RANBP17: variants seen among roughly 807,000 people sequenced by gnomAD.
The protein encoded by RANBP17 is RAN binding protein 17, also known as ran-binding protein 17.
Under a neutral mutation model 141.2 loss-of-function variants are expected in RANBP17, and 158 were observed. That is an observed-to-expected ratio of 1.12 (90% CI 0.98 to 1.28). The LOEUF (loss-of-function observed/expected upper bound fraction) is 1.28, where lower values mean the gene tolerates loss of function less well. RANBP17 is among the 50% of genes most tolerant of loss of function. The pLI is 0.00. For missense variants in RANBP17, 1,438 were observed against 1,290.7 expected (o/e 1.11, Z -1.75); for synonymous variants, 430 against 450.0 (o/e 0.96, Z 0.56).
chr5:171,204,744 GTTT>G (rs1008549437), intron 19 of RANBP17, among the ~76,000 whole-genome samples: 4 of 151,640 alleles, frequency 2.6e-5, no homozygotes, highest in African/African-American at 9.7e-5. Flanking sequence ...TCAAGTTTTT[GTTT>G]TTTTTCTCTA....
intron 14 of RANBP17, among the ~76,000 whole-genome samples, chr5:170,973,496 AG>A (rs1777138775): frequency 6.6e-6 from 1 of 152,236 alleles, no homozygotes; most frequent in South Asian, 2.1e-4. Context: ...AAAACACAAT[AG>A]ACAAAGTAAT....
chr5:170,888,669 T>C (rs1769356458), intron 3 of RANBP17, among the ~76,000 whole-genome samples: 2 of 152,218 alleles, frequency 1.3e-5, no homozygotes, highest in Admixed American at 1.3e-4. Flanking sequence ...TTAGTTCTTC[T>C]TTCTTAATCT....
intron 14 of RANBP17, among the ~76,000 whole-genome samples, chr5:171,162,257 C>G (rs1299622242): frequency 3.3e-5 from 5 of 152,142 alleles, no homozygotes; most frequent in African/African-American, 7.2e-5. Context: ...CCAACAGGAG[C>G]AAAGCTGTGT....
chr5:171,235,459 A>G (rs948397416), intron 22 of RANBP17, among the ~76,000 whole-genome samples: 3 of 152,146 alleles, frequency 2.0e-5, no homozygotes, highest in South Asian at 2.1e-4. Context: ...CTTTAAGCAC[A>G]TAAGAGAGAG....
chr5:170,946,489 T>G (rs1412389498), intron 12 of RANBP17, among the ~76,000 whole-genome samples: 1 of 152,126 alleles, frequency 6.6e-6, no homozygotes, highest in Non-Finnish European at 1.5e-5. Flanking sequence ...CTCTGTAAAA[T>G]TCTAAGAAAT....
Position 171,221,848 on chromosome 5 carries a change from TC to T in RANBP17, c.2422+10del. ...AAATGGTTTGCACTTATGGTGAGTG[TC>T]CTTTTCCATATGTGCCTCTGCAATA... On this transcript the variant is annotated intron_variant, in intron 22 of 27. Coordinates refer to ENST00000523189, the MANE Select transcript of RANBP17 (RefSeq NM_022897.5). 6.8e-7 allele frequency: 1 copy of T among 1,478,468 alleles called. No individual in the cohort carries two copies. The highest frequency in any genetic ancestry group is 9.4e-7 in the Non-Finnish European group (1 of 1,059,076). 91.6% of individuals were successfully genotyped at this position (1,478,468 alleles called of 1,614,324 possible). A position where few individuals can be genotyped will look rare whatever the true frequency, so the allele number is the denominator to read the frequency against.
At position 171,206,155 on chromosome 5, in the gene RANBP17, A is replaced by C. The variant is rs188280600; in HGVS notation, c.2231+543A>C. On this transcript the variant is annotated intron_variant, in intron 20 of 27. Coordinates refer to ENST00000523189, the MANE Select transcript of RANBP17 (RefSeq NM_022897.5). ...TAGTACAGACAGGAAAAAAAAAAAA[A>C]ACCCCCCACAGAAATGCCTTATCAT... The C allele has an allele frequency of 6.2e-3, 1,050 of 169,346 alleles. 11 individuals are homozygous for C. The highest frequency in any genetic ancestry group is 0.025 in the African/African-American group (1,011 of 40,518). 10.5% of individuals were successfully genotyped at this position (169,346 alleles called of 1,614,324 possible).
chr5:171,061,734 C>T (rs1783873702), intron 14 of RANBP17, among the ~76,000 whole-genome samples: 3 of 152,058 alleles, frequency 2.0e-5, no homozygotes, highest in Admixed American at 1.3e-4. Flanking sequence ...CTTTCTCTCT[C>T]ATTGATCTGT....
At chr5:171,283,398 C>T (rs1767967302) in intron 25 of RANBP17, among the ~76,000 whole-genome samples, 1 of 152,208 alleles carries the variant, frequency 6.6e-6, no homozygotes, top group African/African-American at 2.4e-5. Context: ...CCAACGCTTT[C>T]AGTCACTAGC....
chr5:171,198,694 T>C (rs962630203), intron 18 of RANBP17, among the ~76,000 whole-genome samples: 1 of 152,192 alleles, frequency 6.6e-6, no homozygotes, highest in Non-Finnish European at 1.5e-5. Context: ...AGGACCAAAC[T>C]TTGAGGACCT....
chr5:170,922,666 CTG>C (rs1254760079), intron 11 of RANBP17, among the ~76,000 whole-genome samples: 1 of 152,310 alleles, frequency 6.6e-6, no homozygotes, highest in South Asian at 2.1e-4. Flanking sequence ...GTTGCTAAGA[CTG>C]TGGGAAAAGC....
intron 14 of RANBP17, among the ~76,000 whole-genome samples, chr5:171,007,521 G>A (rs1340737382): frequency 6.6e-6 from 1 of 152,116 alleles, no homozygotes; most frequent in Non-Finnish European, 1.5e-5. Context: ...ACAAGACTCA[G>A]CGATGCTTGG....
At chr5:171,015,666 A>G (rs899103564) in intron 14 of RANBP17, among the ~76,000 whole-genome samples, 1 of 152,052 alleles carries the variant, frequency 6.6e-6, no homozygotes. Context: ...TTGTATTCCT[A>G]TAAATATTTT....
In RANBP17 at chr5:170,896,726, A is replaced by C. The variant is rs558247227; in HGVS notation, c.489+611A>C. Among the ~76,000 whole-genome samples, 7 of 152,316 alleles carry C rather than the reference A, an allele frequency of 4.6e-5. No individual in the cohort carries two copies. In the South Asian group the frequency reaches 1.5e-3, roughly 32 times the overall value. On this transcript the variant is annotated intron_variant, in intron 5 of 27. Coordinates refer to ENST00000523189, the MANE Select transcript of RANBP17 (RefSeq NM_022897.5). ...GCGCCTGTAATCCCAGCTACTGGGG[A>C]AGCTGAGGCAGGAGAATTGCTTGAA...
intron 23 of RANBP17, 54 bp downstream of exon 23, chr5:171,241,196 C>G: frequency 7.5e-7 from 1 of 1,325,190 alleles, no homozygotes; most frequent in South Asian, 1.3e-5. Flanking sequence ...GTAACACCAC[C>G]ACAGGCCTGG....
chr5:171,063,912 C>G (rs904689556), intron 14 of RANBP17, among the ~76,000 whole-genome samples: 6 of 152,218 alleles, frequency 3.9e-5, no homozygotes, highest in Admixed American at 6.5e-5. Context: ...AGTTTGATCT[C>G]AGACTGCTGT....
At chr5:171,093,597 C>G (rs894384597) in intron 14 of RANBP17, among the ~76,000 whole-genome samples, 1 of 152,200 alleles carries the variant, frequency 6.6e-6, no homozygotes, top group Admixed American at 6.5e-5. Flanking sequence ...GTCACAATCA[C>G]TGGTATAATT....
At chr5:170,905,305 TAA>T (rs1338172196) in intron 5 of RANBP17, among the ~76,000 whole-genome samples, 1 of 152,156 alleles carries the variant, frequency 6.6e-6, no homozygotes, top group Non-Finnish European at 1.5e-5. Context: ...ATGTAGTGTT[TAA>T]AAACTGTCAT....
intron 14 of RANBP17, among the ~76,000 whole-genome samples, chr5:171,082,457 C>A (rs778376736): frequency 1.3e-5 from 2 of 152,124 alleles, no homozygotes; most frequent in Non-Finnish European, 2.9e-5. Context: ...CTTAGGCAAT[C>A]TCAGTGTGGC....
Sources: gnomAD v4.1 joint callset for allele counts (sites outside exome capture counted in the v4.1 genomes callset) on GRCh38, gnomAD v4.1.1 for gene constraint, MANE v1.5 for transcripts, NCBI Gene and HGNC (gene_info 2026-07-23, HGNC 2026-07-21) for gene names.